Variants in PCDHGA12 observed in about 807,000 individuals in gnomAD.
PCDHGA12 encodes protocadherin gamma-A12.
In PCDHGA12, 43 loss-of-function variants were observed where a neutral mutation model predicts 61.1. That is an observed-to-expected ratio of 0.70 (90% CI 0.55 to 0.91). The LOEUF (loss-of-function observed/expected upper bound fraction) is 0.91, where lower values mean the gene tolerates loss of function less well. Ranked by LOEUF, PCDHGA12 falls within the 40% of genes least tolerant of loss-of-function variation. The pLI is 0.00. For synonymous variants in PCDHGA12, 520 were observed against 542.9 expected, an observed-to-expected ratio of 0.96 and a Z score of 0.59; for missense variants, 1,236 against 1,227.7, an observed-to-expected ratio of 1.01 and a Z score of -0.10.
At position 141,432,225 on chromosome 5, in the gene PCDHGA12, A is replaced by T; in HGVS notation, c.1466A>T (p.Tyr489Phe). Residue 489 changes from tyrosine (Y) to phenylalanine (F), a missense_variant, in exon 1 of 4, where the codon TAT becomes TTT. Physicochemically the swap from Tyr to Phe is conservative, Grantham distance 22 (BLOSUM62 3). Transcript: ENST00000252085. This position sits in a 1 kb window ranked among gnomAD's most constrained non-coding sequence, Gnocchi z 6.0. The part of the protein sequence containing the change: ...PDCEENAQIT[Y>F]SLAENTIQGA... ...TGTGAAGAGAACGCCCAGATCACTT[A>T]TTCCCTGGCTGAGAACACCATCCAA... The T allele has an allele frequency of 1.2e-6, 2 of 1,614,206 alleles. No individual in the cohort carries two copies. Among genetic ancestry groups the T allele is most frequent in the South Asian group, 2.2e-5 (2 of 91,080 alleles).
intron 1 of PCDHGA12, among the ~76,000 whole-genome samples, chr5:141,450,830 T>A (rs923422605): frequency 3.0e-5 from 3 of 101,548 alleles, no homozygotes; most frequent in African/African-American, 1.3e-4. Context: ...ATTATTATTA[T>A]TTTTTTTTTT....
chr5:141,496,916 T>C (rs1252437822), intron 2 of PCDHGA12, among the ~76,000 whole-genome samples: 4 of 148,274 alleles, frequency 2.7e-5, no homozygotes, highest in African/African-American at 9.9e-5. Context: ...CTGGGCACTG[T>C]GGTTCACGCC....
At chr5:141,463,784 T>G (rs2099069378) in intron 1 of PCDHGA12, among the ~76,000 whole-genome samples, 1 of 152,194 alleles carries the variant, frequency 6.6e-6, no homozygotes, top group South Asian at 2.1e-4. Context: ...CTGCACTGTC[T>G]TTTGAACAAA....
In PCDHGA12 at chr5:141,431,553, A is replaced by G; in HGVS notation, c.794A>G (p.Asn265Ser). Reference protein sequence around the residue: ...LALGTQLLVVNATDPDEGVNA... With the variant: ...LALGTQLLVVSATDPDEGVNA... ...TTGGGCACGCAGCTGCTTGTAGTCA[A>G]CGCTACCGACCCTGACGAAGGAGTC... The change falls in exon 1 of 4, where the codon AAC becomes AGC. Residue 265 changes from asparagine to serine, a missense_variant. Asn to Ser is a conservative substitution (Grantham distance 46, BLOSUM62 1). Transcript: ENST00000252085. The surrounding 1 kb of genome is among the most constrained non-coding windows in gnomAD (Gnocchi z 4.8). 1.2e-6 allele frequency: 2 copies of G among 1,614,112 alleles called. No individual in the cohort carries two copies. Among genetic ancestry groups the G allele is most frequent in the Non-Finnish European group, 1.7e-6 (2 of 1,180,020 alleles).
intron 1 of PCDHGA12, chr5:141,479,247 C>A (rs1428944159): frequency 6.6e-6 from 1 of 152,084 alleles, no homozygotes; most frequent in Non-Finnish European, 1.5e-5. Flanking sequence ...CAAAGATAAC[C>A]ATTTTTAATT....
At position 141,432,595 on chromosome 5, in the gene PCDHGA12, C is replaced by G; in HGVS notation, c.1836C>G (p.Ser612Arg). 6.2e-7 allele frequency: 1 copy of G among 1,613,756 alleles called. No individual in the cohort carries two copies. Among genetic ancestry groups the G allele is most frequent in the Admixed American group, 1.7e-5 (1 of 60,018 alleles). ...AWLSYRLLKA[S>R]EPGLFSVGLH... ...TGTCCTACCGTCTGCTCAAGGCCAG[C>G]GAGCCGGGACTCTTCTCGGTGGGTC... Residue 612 changes from serine to arginine, a missense_variant, in exon 1 of 4, where the codon AGC becomes AGG. Transcript: ENST00000252085. This position sits in a 1 kb window ranked among gnomAD's most constrained non-coding sequence, Gnocchi z 6.0.
At chr5:141,506,863 G>A (rs1162975959) in intron 3 of PCDHGA12, among the ~76,000 whole-genome samples, 1 of 152,120 alleles carries the variant, frequency 6.6e-6, no homozygotes, top group Non-Finnish European at 1.5e-5. Context: ...GAGGACTGGT[G>A]GGTAGAGAAC....
chr5:141,441,883 A>T, intron 1 of PCDHGA12: 1 of 343,546 alleles, frequency 2.9e-6, no homozygotes, highest in South Asian at 2.6e-5. Context: ...CTACCTGGTC[A>T]CCAAGGTGGT....
chr5:141,479,731 G>C (rs1176632022), intron 1 of PCDHGA12: 1 of 152,216 alleles, frequency 6.6e-6, no homozygotes, highest in East Asian at 1.9e-4. Context: ...TTTTTCTTAA[G>C]TATATGCACA....
Position 141,490,835 on chromosome 5 carries a change from T to C in PCDHGA12, c.2425-3972T>C, listed in dbSNP as rs1284804400. 4 of 1,613,728 alleles carry C rather than the reference T, an allele frequency of 2.5e-6. No individual in the cohort carries two copies. The highest frequency in any genetic ancestry group is 1.1e-5 in the South Asian group (1 of 91,076). On this transcript the variant is annotated intron_variant, in intron 1 of 3. Transcript: ENST00000252085. This position sits in a 1 kb window ranked among gnomAD's most constrained non-coding sequence, Gnocchi z 5.4. ...TATGAATTGCTGCAGATGCTGCAGATTGTGGTGGGGGTTCGAGACTCCGGC... is the reference window on the plus strand; with the variant it reads ...TATGAATTGCTGCAGATGCTGCAGACTGTGGTGGGGGTTCGAGACTCCGGC...
chr5:141,466,297 A>G (rs1206472131), intron 1 of PCDHGA12, among the ~76,000 whole-genome samples: 3 of 152,146 alleles, frequency 2.0e-5, no homozygotes, highest in East Asian at 1.9e-4. Flanking sequence ...CAGGCTCCCA[A>G]GTAGCTGGGA....
Position 141,431,260 on chromosome 5 carries a change from G to C in PCDHGA12, c.501G>C (p.Leu167=), listed in dbSNP as rs762250032. Residue 167 remains leucine, a synonymous_variant, in exon 1 of 4, where the codon CTG becomes CTC. Coordinates refer to ENST00000252085, the MANE Select transcript of PCDHGA12 (RefSeq NM_003735.3). The surrounding 1 kb of genome is among the most constrained non-coding windows in gnomAD (Gnocchi z 4.8). The stretch of plus-strand genomic sequence containing the variant: ...ATCCGGATATCGGGAAGAACTCTCT[G>C]CAGAGCTACGAGCTCAGCCCGAACA... ...AWDPDIGKNS[L]QSYELSPNTH... 6.2e-7 allele frequency: 1 copy of C among 1,614,170 alleles called. No homozygotes were observed. Among genetic ancestry groups the C allele is most frequent in the Non-Finnish European group, 8.5e-7 (1 of 1,180,052 alleles).
intron 3 of PCDHGA12, among the ~76,000 whole-genome samples, chr5:141,506,879 G>T (rs958969109): frequency 6.6e-6 from 1 of 152,172 alleles, no homozygotes; most frequent in Non-Finnish European, 1.5e-5. Flanking sequence ...AGAACCAGGT[G>T]AAATCACAAG....
chr5:141,477,804 A>G lies in PCDHGA12; in HGVS notation c.2425-17003A>G. The G allele has an allele frequency of 6.2e-7, 1 of 1,614,088 alleles. No individual in the cohort carries two copies. ...ATATTTGTCACTGATCGCAATGACA[A>G]TGCCCCCCAGGTCCTATATCCTCGG... On this transcript the variant is annotated intron_variant, in intron 1 of 3. Transcript: ENST00000252085. The surrounding 1 kb of genome is among the most constrained non-coding windows in gnomAD (Gnocchi z 4.9).
Position 141,487,007 on chromosome 5 carries a change from G to C in PCDHGA12, c.2425-7800G>C, listed in dbSNP as rs563548715. On this transcript the variant is annotated intron_variant, in intron 1 of 3. Transcript: ENST00000252085. This position sits in a 1 kb window ranked among gnomAD's most constrained non-coding sequence, Gnocchi z 5.0. ...TGCTTGGGTTTCCTATCAGCTCCTG[G>C]AGGCCCCAGATCCCAGCCTGTTTGC... The C allele has an allele frequency of 6.2e-7, 1 of 1,614,206 alleles. No individual in the cohort carries two copies. Among genetic ancestry groups the C allele is most frequent in the Non-Finnish European group, 8.5e-7 (1 of 1,180,042 alleles).
intron 1 of PCDHGA12, among the ~76,000 whole-genome samples, chr5:141,455,315 T>G (rs1416163436): frequency 6.6e-6 from 1 of 152,152 alleles, no homozygotes; most frequent in Non-Finnish European, 1.5e-5. Context: ...TTAGCAATTT[T>G]GTGTGTGTGT....
chr5:141,491,871 C>T lies in PCDHGA12; in HGVS notation c.2425-2936C>T, dbSNP rs1222191027. 2.1e-6 allele frequency: 3 copies of T among 1,451,434 alleles called. No individual in the cohort carries two copies. Among genetic ancestry groups the T allele is most frequent in the Non-Finnish European group, 2.7e-6 (3 of 1,098,418 alleles). 89.9% of individuals were successfully genotyped at this position (1,451,434 alleles called of 1,614,324 possible). ...ACCGTTTGCGCGAAACCAGAGTGGC[C>T]GATTAAGGGATGGGGCTCCGAGCAC... On this transcript the variant is annotated intron_variant, in intron 1 of 3. Transcript: ENST00000252085. The surrounding 1 kb of genome is among the most constrained non-coding windows in gnomAD (Gnocchi z 6.9).
Position 141,494,920 on chromosome 5 carries a change from G to A in PCDHGA12, c.2483+55G>A, listed in dbSNP as rs1329724849. The A allele has an allele frequency of 1.8e-5, 29 of 1,613,680 alleles. No individual in the cohort carries two copies. The East Asian group carries it at 6.5e-4, about 36-fold the overall frequency. On this transcript the variant is annotated intron_variant, in intron 2 of 3. Coordinates refer to ENST00000252085, the MANE Select transcript of PCDHGA12 (RefSeq NM_003735.3). ...TTCTCTGCGGCATTTTCTCAGGGAT[G>A]ACGTGGGAGGAGATGGGGGAGGGCC...
chr5:141,433,204 C>CT, intron 1 of PCDHGA12, 21 bp downstream of exon 1: 2 of 1,566,944 alleles, frequency 1.3e-6, no homozygotes, highest in Admixed American at 2.0e-5. Flanking sequence ...ATCAAATCTT[C>CT]TTTCTTTTTT....
Sources: gnomAD v4.1 joint callset for allele counts (sites outside exome capture counted in the v4.1 genomes callset) on GRCh38, gnomAD v4.1.1 for gene constraint, Gnocchi (gnomAD v3.1) non-coding constraint, MANE v1.5 for transcripts, NCBI Gene and HGNC (gene_info 2026-07-23, HGNC 2026-07-21) for gene names.